The following PPP1R12A variants were observed in gnomAD, a reference collection of about 807,000 sequenced individuals.
PPP1R12A encodes the protein myosin binding subunit.
PPP1R12A carries 19 observed loss-of-function variants against 139.6 expected under a neutral mutation model. The ratio of observed to expected loss-of-function variants is 0.14; its 90% CI spans 0.09 to 0.20. The LOEUF (loss-of-function observed/expected upper bound fraction) is 0.20. Ranked by LOEUF, PPP1R12A falls within the 10% of genes least tolerant of loss-of-function variation. PPP1R12A has a pLI of 1.00. For missense variants in PPP1R12A, 925 were observed against 1,211.5 expected (o/e 0.76, Z 3.51); for synonymous variants, 427 against 420.6 (o/e 1.02, Z -0.19).
At chr12:79,789,686 G>T (rs981083358) in intron 20 of PPP1R12A, 7 of 451,730 alleles carry the variant, frequency 1.5e-5, no homozygotes, top group Non-Finnish European at 2.7e-5. Context: ...CAGGGCTGTG[G>T]TTAACAATGA....
chr12:79,868,662 T>A (rs1882246293), intron 2 of PPP1R12A, among the ~76,000 whole-genome samples: 1 of 151,812 alleles, frequency 6.6e-6, no homozygotes, highest in Non-Finnish European at 1.5e-5. Flanking sequence ...CTTCCTCTTA[T>A]AAGAAAACCA....
chr12:79,925,091 T>A (rs922297632), intron 1 of PPP1R12A, among the ~76,000 whole-genome samples: 1 of 152,120 alleles, frequency 6.6e-6, no homozygotes, highest in Non-Finnish European at 1.5e-5. Flanking sequence ...GAGGATATTT[T>A]AAAAAAATGT....
At chr12:79,886,365 G>C (rs1884104206) in intron 1 of PPP1R12A, among the ~76,000 whole-genome samples, 1 of 152,138 alleles carries the variant, frequency 6.6e-6, no homozygotes, top group African/African-American at 2.4e-5. Flanking sequence ...TGAAAACAAA[G>C]AGTCCAGCAT....
At chr12:79,841,554 G>A (rs902795244) in intron 3 of PPP1R12A, among the ~76,000 whole-genome samples, 13 of 152,090 alleles carry the variant, frequency 8.5e-5, no homozygotes, top group Admixed American at 6.6e-4. Context: ...AATCAGCCCC[G>A]CTTACAGTTA....
chr12:79,785,882 T>C (rs1871065521), intron 22 of PPP1R12A, among the ~76,000 whole-genome samples: 1 of 152,166 alleles, frequency 6.6e-6, no homozygotes, highest in African/African-American at 2.4e-5. Flanking sequence ...TGAGTTTTGC[T>C]TGGCCATCCC....
chr12:79,791,091 A>G (rs1871791444), intron 19 of PPP1R12A, among the ~76,000 whole-genome samples: 1 of 152,046 alleles, frequency 6.6e-6, no homozygotes, highest in South Asian at 2.1e-4. Flanking sequence ...TCTTTTATTG[A>G]TTTATTCTTT....
intron 1 of PPP1R12A, among the ~76,000 whole-genome samples, chr12:79,897,761 T>C (rs371565023): frequency 4.3e-4 from 65 of 152,284 alleles, no homozygotes; most frequent in African/African-American, 1.5e-3. Context: ...TTTGTCCTCA[T>C]TGTGAATTCC....
intron 3 of PPP1R12A, among the ~76,000 whole-genome samples, chr12:79,835,735 T>C (rs762869215): frequency 3.9e-5 from 6 of 152,208 alleles, no homozygotes; most frequent in Non-Finnish European, 5.9e-5. Context: ...AGAGAAAGCC[T>C]TTTATGACTT....
chr12:79,924,594 A>G (rs1887690481), intron 1 of PPP1R12A, among the ~76,000 whole-genome samples: 1 of 151,686 alleles, frequency 6.6e-6, no homozygotes, highest in African/African-American at 2.4e-5. Flanking sequence ...ATGCTCAGCT[A>G]ATTTTTAAAT....
chr12:79,884,500 C>T (rs987202704), intron 1 of PPP1R12A, among the ~76,000 whole-genome samples: 7 of 152,076 alleles, frequency 4.6e-5, no homozygotes, highest in South Asian at 4.1e-4. Flanking sequence ...AAACTGTTGT[C>T]CTCAACATTT....
At chr12:79,800,975 C>T (rs1873060644) in intron 14 of PPP1R12A, among the ~76,000 whole-genome samples, 2 of 151,600 alleles carry the variant, frequency 1.3e-5, no homozygotes, top group South Asian at 2.1e-4. Context: ...CCTCGTGATC[C>T]GCCCACCTCA....
At chr12:79,807,499 C>T (rs1873977114) in intron 11 of PPP1R12A, among the ~76,000 whole-genome samples, 169 bp from the exon 12 acceptor site, 1 of 146,814 alleles carries the variant, frequency 6.8e-6, no homozygotes, top group Admixed American at 6.9e-5. Context: ...GATTATATAC[C>T]CTAAGGTATA....
intron 3 of PPP1R12A, among the ~76,000 whole-genome samples, chr12:79,841,026 T>C (rs1220267970): frequency 6.7e-6 from 1 of 150,042 alleles, no homozygotes; most frequent in Non-Finnish European, 1.5e-5. Flanking sequence ...ACATATGCTA[T>C]GTATGTCTCC....
intron 3 of PPP1R12A, among the ~76,000 whole-genome samples, chr12:79,842,862 C>T (rs1429742719): frequency 6.6e-6 from 1 of 152,020 alleles, no homozygotes; most frequent in Non-Finnish European, 1.5e-5. Flanking sequence ...GTGTACAGTT[C>T]TTAAGTACAT....
intron 14 of PPP1R12A, among the ~76,000 whole-genome samples, chr12:79,802,243 C>T (rs936663531): frequency 6.6e-6 from 1 of 152,092 alleles, no homozygotes; most frequent in Non-Finnish European, 1.5e-5. Flanking sequence ...TCAGTACTTC[C>T]CAAGACCATT....
intron 1 of PPP1R12A, among the ~76,000 whole-genome samples, chr12:79,908,100 C>T (rs1886275724): frequency 6.6e-6 from 1 of 152,086 alleles, no homozygotes; most frequent in South Asian, 2.1e-4. Flanking sequence ...GGGTTGAAAA[C>T]GTTTAGTTAG....
intron 1 of PPP1R12A, among the ~76,000 whole-genome samples, chr12:79,877,081 C>A (rs1399183670): frequency 6.6e-6 from 1 of 152,074 alleles, no homozygotes; most frequent in Non-Finnish European, 1.5e-5. Flanking sequence ...TCTGGCTCTG[C>A]CACAAATTTT....
At chr12:79,835,794 C>T (rs139745957) in intron 3 of PPP1R12A, among the ~76,000 whole-genome samples, 5 of 152,184 alleles carry the variant, frequency 3.3e-5, no homozygotes, top group African/African-American at 1.2e-4. Context: ...CCCTTACCAT[C>T]ATCTAGTGTT....
rs184091375 is a variant in PPP1R12A at position 79,926,657 on chromosome 12, G to T, written c.237+8038C>A. On this transcript the variant is annotated intron_variant, in intron 1 of 24. Transcript: ENST00000450142. ...ATGAATTCTGCTCTTCAAAATATTA[G>T]TTTACATTGTGTCCAATTTTTTTTA... Among the ~76,000 whole-genome samples the T allele has an allele frequency of 1.3e-4, 20 of 152,056 alleles. No individual in the cohort carries two copies. The East Asian group carries it at 3.7e-3, about 28-fold the overall frequency.
Sources: gnomAD v4.1 joint callset for allele counts (sites outside exome capture counted in the v4.1 genomes callset) on GRCh38, gnomAD v4.1.1 for gene constraint, MANE v1.5 for transcripts, NCBI Gene and HGNC (gene_info 2026-07-23, HGNC 2026-07-21) for gene names.